Variants in HEG1 observed in about 807,000 individuals in gnomAD.
HEG1 encodes protein HEG homolog 1.
In HEG1, 56 loss-of-function variants were observed where a neutral mutation model predicts 125.6. The ratio of observed to expected loss-of-function variants is 0.45; its 90% CI spans 0.36 to 0.56. The LOEUF is 0.56. Ranked by LOEUF, HEG1 falls within the 20% of genes least tolerant of loss-of-function variation. The pLI is 0.00. For missense variants in HEG1, 1,523 were observed against 1,670.0 expected, an observed-to-expected ratio of 0.91 and a Z score of 1.53; for synonymous variants, 644 against 668.5, an observed-to-expected ratio of 0.96 and a Z score of 0.57.
Position 125,027,301 on chromosome 3 carries a change from T to C in HEG1, c.817A>G (p.Thr273Ala). 2 of 1,613,846 alleles carry C rather than the reference T, an allele frequency of 1.2e-6. No individual in the cohort carries two copies. The highest frequency in any genetic ancestry group is 2.2e-5 in the South Asian group (2 of 91,028). Residue 273 changes from threonine to alanine, a missense_variant, in exon 3 of 17, where the codon ACG becomes GCG. Transcript: ENST00000311127. ...GAGGAATTTCTCTTCCTAGAAGGCG[T>C]GGTCAGCTCTCCCATCTCCAAAGCA... ...LPALEMGELT[T>A]PSRKRNSSGP...
intron 1 of HEG1, among the ~76,000 whole-genome samples, chr3:125,046,461 G>A (rs1686610357): frequency 6.7e-6 from 1 of 149,810 alleles, no homozygotes; most frequent in South Asian, 2.1e-4. Context: ...TTATACAGAT[G>A]AGGTCTCACT....
chr3:124,996,273 G>A (rs986051592), intron 12 of HEG1, among the ~76,000 whole-genome samples: 3 of 151,868 alleles, frequency 2.0e-5, no homozygotes, highest in East Asian at 1.9e-4. Context: ...TAGTAGAGAC[G>A]GGGTTTCTCT....
At chr3:125,039,194 A>G (rs750722389) in intron 1 of HEG1, among the ~76,000 whole-genome samples, 1 of 151,616 alleles carries the variant, frequency 6.6e-6, no homozygotes, top group African/African-American at 2.4e-5. Flanking sequence ...TTTTCCTCCT[A>G]ATTGACAACT....
chr3:124,990,317 G>GT (rs1005676237), intron 14 of HEG1, among the ~76,000 whole-genome samples: 14 of 148,864 alleles, frequency 9.4e-5, no homozygotes, highest in South Asian at 6.6e-4. Context: ...CTTTCTCTTT[G>GT]TTTTTTTTGT....
intron 1 of HEG1, among the ~76,000 whole-genome samples, chr3:125,045,740 C>T (rs532627426): frequency 2.7e-4 from 41 of 152,320 alleles, no homozygotes; most frequent in African/African-American, 9.6e-4. Flanking sequence ...GATGTGTTCC[C>T]GGGAAGCATT....
chr3:124,972,943 T>C (rs1936470989), intron 16 of HEG1, among the ~76,000 whole-genome samples: 1 of 152,178 alleles, frequency 6.6e-6, no homozygotes, highest in East Asian at 1.9e-4. Context: ...GAGGACGACA[T>C]TGAATTGTTG....
chr3:125,038,805 C>T lies in HEG1; in HGVS notation c.317-9317G>A, dbSNP rs551074861. Among the ~76,000 whole-genome samples the T allele has an allele frequency of 2.8e-4, 43 of 152,162 alleles. 1 individual carries two copies. Among genetic ancestry groups the T allele is most frequent in the African/African-American group, 9.9e-4 (41 of 41,494 alleles). The stretch of plus-strand genomic sequence containing the variant: ...ATTCTTGGTGGAGAAGAGAAACGGC[C>T]CTGGAGAAATGGAAAGGAGACGGGA... On this transcript the variant is annotated intron_variant, in intron 1 of 16. Transcript: ENST00000311127.
At chr3:125,033,756 G>A (rs2107709183) in intron 1 of HEG1, among the ~76,000 whole-genome samples, 1 of 152,342 alleles carries the variant, frequency 6.6e-6, no homozygotes, top group East Asian at 1.9e-4. Context: ...GAACCAGGCT[G>A]CACAGGAGGA....
intron 1 of HEG1, among the ~76,000 whole-genome samples, chr3:125,053,889 C>A (rs1301105260): frequency 6.6e-6 from 1 of 152,178 alleles, no homozygotes; most frequent in African/African-American, 2.4e-5. Flanking sequence ...CTCTAGAGAT[C>A]CCGCCCCTAA....
At chr3:125,009,451 G>C in intron 8 of HEG1, 1 of 258,472 alleles carries the variant, frequency 3.9e-6, no homozygotes, top group Non-Finnish European at 7.4e-6. Context: ...AAATGTTTAA[G>C]ATATAAAGTT....
intron 11 of HEG1, among the ~76,000 whole-genome samples, chr3:124,999,237 A>C (rs753145461): frequency 6.6e-6 from 1 of 152,242 alleles, no homozygotes; most frequent in African/African-American, 2.4e-5. Context: ...GCTCAATCAG[A>C]ACCACATTTG....
chr3:125,020,745 T>C, intron 4 of HEG1, 47 bp downstream of exon 4: 2 of 1,506,604 alleles, frequency 1.3e-6, no homozygotes, highest in Non-Finnish European at 1.8e-6. Context: ...GAAAATTCAA[T>C]GATTTACAAA....
At chr3:125,033,459 G>A (rs1053958072) in intron 1 of HEG1, among the ~76,000 whole-genome samples, 11 of 152,178 alleles carry the variant, frequency 7.2e-5, no homozygotes, top group African/African-American at 2.7e-4. Flanking sequence ...CGGCCCCGCA[G>A]AAGGGCACAG....
chr3:125,029,617 T>C lies in HEG1; in HGVS notation c.317-129A>G, dbSNP rs567959396. 6.3e-4 allele frequency: 543 copies of C among 860,686 alleles called. 3 individuals carry two copies. Among genetic ancestry groups the C allele is most frequent in the South Asian group, 1.1e-3 (65 of 58,996 alleles). 53.3% of individuals were successfully genotyped at this position (860,686 alleles called of 1,614,324 possible). On this transcript the variant is annotated intron_variant, in intron 1 of 16. Transcript: ENST00000311127. ...CAAGTAAAAGAATTTTGGCCAGGCA[T>C]GATGGCTCACACCTATAATCCCAGC...
intron 5 of HEG1, among the ~76,000 whole-genome samples, chr3:125,017,454 C>T (rs961860043): frequency 2.6e-5 from 4 of 152,042 alleles, no homozygotes; most frequent in Non-Finnish European, 5.9e-5. Context: ...TACAAGTGGC[C>T]AATAAGCACA....
intron 8 of HEG1, among the ~76,000 whole-genome samples, chr3:125,007,055 C>T (rs1410457601): frequency 4.0e-5 from 6 of 151,396 alleles, no homozygotes; most frequent in African/African-American, 1.2e-4. Context: ...AAAAATTAGC[C>T]GGGCGTAGTG....
chr3:124,974,448 A>G (rs1579392631), intron 15 of HEG1, among the ~76,000 whole-genome samples: 1 of 152,276 alleles, frequency 6.6e-6, no homozygotes, highest in Admixed American at 6.5e-5. Context: ...TTTTGCTACT[A>G]GAAGGTGTGG....
intron 1 of HEG1, among the ~76,000 whole-genome samples, chr3:125,043,420 G>GTTT (rs60228985): frequency 6.7e-6 from 1 of 149,054 alleles, no homozygotes; most frequent in East Asian, 1.9e-4. Flanking sequence ...AATTCTATAG[G>GTTT]TTTTTTTTTT....
In HEG1 at chr3:124,970,559, C is replaced by G. The variant is rs115858188; in HGVS notation, c.*93G>C. ...CCTGCTTGCCACTCAGCGTGGCTCCCGACAAATCCTGGGCGCAGCCTCCTG... is the reference window on the plus strand; with the variant it reads ...CCTGCTTGCCACTCAGCGTGGCTCCGGACAAATCCTGGGCGCAGCCTCCTG... On this transcript the variant is annotated 3_prime_UTR_variant, in exon 17 of 17. Coordinates refer to ENST00000311127, the MANE Select transcript of HEG1 (RefSeq NM_020733.2). 4 of 1,226,314 alleles carry G rather than the reference C, an allele frequency of 3.3e-6. No individual in the cohort carries two copies. The highest frequency in any genetic ancestry group is 4.5e-6 in the Non-Finnish European group (4 of 880,500). The allele number at this position is 1,226,314 out of a possible 1,614,324, so 76.0% of individuals were successfully genotyped here.
Sources: allele counts gnomAD v4.1 joint callset (sites outside exome capture counted in the v4.1 genomes callset), GRCh38; gene constraint gnomAD v4.1.1; transcripts MANE v1.5; gene names NCBI Gene and HGNC (gene_info 2026-07-23, HGNC 2026-07-21).